The following RBMS3 variants were observed in gnomAD, a reference collection of about 807,000 sequenced individuals.
The protein encoded by RBMS3 is RNA-binding motif, single-stranded-interacting protein 3.
RBMS3 carries 27 observed loss-of-function variants against 66.8 expected under a neutral mutation model. That is an observed-to-expected ratio of 0.40 (90% CI 0.30 to 0.56). RBMS3 has a LOEUF of 0.56. Among genes scored for constraint, RBMS3 ranks in the 20% least tolerant of loss-of-function variants. RBMS3 has a pLI of 0.40. For synonymous variants in RBMS3, 188 were observed against 183.0 expected (o/e 1.03, Z -0.22); for missense variants, 513 against 549.5 (o/e 0.93, Z 0.66).
At chr3:29,785,586 G>A (rs576060428) in intron 6 of RBMS3, among the ~76,000 whole-genome samples, 3 of 151,882 alleles carry the variant, frequency 2.0e-5, no homozygotes, top group East Asian at 1.9e-4. Context: ...AGAATTAAAA[G>A]CAAAAATCAC....
intron 12 of RBMS3, among the ~76,000 whole-genome samples, chr3:29,968,109 T>C (rs1696970332): frequency 6.6e-6 from 1 of 152,146 alleles, no homozygotes; most frequent in Admixed American, 6.6e-5. Context: ...ATTTAGGGCT[T>C]GATCTTTCCT....
chr3:29,901,168 A>G (rs2149610193), intron 10 of RBMS3, among the ~76,000 whole-genome samples: 1 of 151,884 alleles, frequency 6.6e-6, no homozygotes, highest in African/African-American at 2.4e-5. Context: ...CTATGCAACA[A>G]ATCCAGGCTA....
At chr3:29,908,957 G>C (rs2060451393) in intron 10 of RBMS3, among the ~76,000 whole-genome samples, 1 of 152,034 alleles carries the variant, frequency 6.6e-6, no homozygotes, top group South Asian at 2.1e-4. Context: ...AACAGTTAAG[G>C]ACAGAGAAGA....
At chr3:29,455,925 T>A (rs2042177074) in intron 2 of RBMS3, among the ~76,000 whole-genome samples, 3 of 152,278 alleles carry the variant, frequency 2.0e-5, no homozygotes, top group South Asian at 4.1e-4. Flanking sequence ...CTATCTCAGA[T>A]AAGAATGTGC....
intron 12 of RBMS3, among the ~76,000 whole-genome samples, chr3:29,975,178 G>C (rs989111896): frequency 7.5e-5 from 11 of 146,848 alleles, no homozygotes; most frequent in African/African-American, 2.7e-4. Flanking sequence ...CTTTACTGTA[G>C]ATGAAATTTA....
chr3:29,956,441 G>A (rs968097263), intron 12 of RBMS3, among the ~76,000 whole-genome samples: 1 of 152,018 alleles, frequency 6.6e-6, no homozygotes, highest in African/African-American at 2.4e-5. Flanking sequence ...AGTTCCTGGA[G>A]GTTTGGAGAT....
At chr3:29,677,813 A>C (rs1411325346) in intron 4 of RBMS3, among the ~76,000 whole-genome samples, 1 of 152,072 alleles carries the variant, frequency 6.6e-6, no homozygotes, top group Non-Finnish European at 1.5e-5. Flanking sequence ...GAGTTGTTAC[A>C]CTCTTGGGGT....
At chr3:29,663,394 T>C (rs2050632069) in intron 4 of RBMS3, among the ~76,000 whole-genome samples, 2 of 152,224 alleles carry the variant, frequency 1.3e-5, no homozygotes, top group South Asian at 4.1e-4. Flanking sequence ...TTATCAGTAA[T>C]GACATTTTTG....
intron 12 of RBMS3, among the ~76,000 whole-genome samples, chr3:29,965,547 C>G (rs9839098): frequency 6.6e-6 from 1 of 151,934 alleles, no homozygotes; most frequent in Non-Finnish European, 1.5e-5. Flanking sequence ...TGTCTATTCA[C>G]GTCCTTGGCC....
At chr3:29,578,005 A>G (rs370524772) in intron 3 of RBMS3, among the ~76,000 whole-genome samples, 2 of 152,294 alleles carry the variant, frequency 1.3e-5, no homozygotes, top group African/African-American at 4.8e-5. Flanking sequence ...TCTATCCTTT[A>G]TCAACTATTT....
At chr3:29,946,518 A>C (rs980455222) in intron 12 of RBMS3, among the ~76,000 whole-genome samples, 1 of 151,650 alleles carries the variant, frequency 6.6e-6, no homozygotes, top group Non-Finnish European at 1.5e-5. Context: ...CAGAAAATAG[A>C]CCCCTGATTA....
chr3:29,316,918 A>G (rs1335215802), intron 1 of RBMS3, among the ~76,000 whole-genome samples: 1 of 151,710 alleles, frequency 6.6e-6, no homozygotes, highest in Non-Finnish European at 1.5e-5. Flanking sequence ...GATTCTTAAT[A>G]TAAACAATGA....
At chr3:29,458,739 G>A (rs147633785) in intron 2 of RBMS3, among the ~76,000 whole-genome samples, 1 of 152,228 alleles carries the variant, frequency 6.6e-6, no homozygotes, top group African/African-American at 2.4e-5. Flanking sequence ...AATCTTGATA[G>A]GACTAATGGA....
chr3:29,341,954 A>G (rs1463570840), intron 1 of RBMS3, among the ~76,000 whole-genome samples: 1 of 152,120 alleles, frequency 6.6e-6, no homozygotes, highest in Non-Finnish European at 1.5e-5. Context: ...CGGGACACAT[A>G]TTCTCTCGAA....
chr3:29,304,208 G>A (rs768482825), intron 1 of RBMS3, among the ~76,000 whole-genome samples: 1 of 151,946 alleles, frequency 6.6e-6, no homozygotes, highest in Non-Finnish European at 1.5e-5. Flanking sequence ...ATCATGTGCT[G>A]TCATTTTTGG....
chr3:29,868,038 C>A (rs951917674), intron 6 of RBMS3, among the ~76,000 whole-genome samples: 5 of 151,604 alleles, frequency 3.3e-5, no homozygotes, highest in Admixed American at 2.6e-4. Context: ...ATTTTCCAGT[C>A]AAGCAGGGAT....
intron 1 of RBMS3, among the ~76,000 whole-genome samples, chr3:29,318,192 C>T (rs1368175345): frequency 6.6e-6 from 1 of 151,648 alleles, no homozygotes; most frequent in African/African-American, 2.4e-5. Context: ...GTGTCTTCAC[C>T]GTATTTCAAA....
rs528149576 is a variant in RBMS3, at chr3:29,341,492, A to C, written c.75+59736A>C. 2.6e-5 allele frequency among the ~76,000 whole-genome samples: 4 copies of C among 152,192 alleles called. No homozygotes were observed. The South Asian group carries it at 8.3e-4, about 31-fold the overall frequency. ...ATCTTATAAGTATTTTTATTTTATC[A>C]TCTATTTGTATTTCTACTTTTTTAT... On this transcript the variant is annotated intron_variant, in intron 1 of 14. Transcript: ENST00000383767.
At chr3:29,777,900 C>T (rs2056482046) in intron 6 of RBMS3, among the ~76,000 whole-genome samples, 2 of 151,814 alleles carry the variant, frequency 1.3e-5, no homozygotes, top group African/African-American at 4.8e-5. Context: ...CCTTGTAGTA[C>T]ATTGGGGTTG....
Sources: gnomAD v4.1 joint callset for allele counts (sites outside exome capture counted in the v4.1 genomes callset) on GRCh38, gnomAD v4.1.1 for gene constraint, MANE v1.5 for transcripts, NCBI Gene and HGNC (gene_info 2026-07-23, HGNC 2026-07-21) for gene names.